PDZRN4: variants seen among roughly 807,000 people sequenced by gnomAD.
The protein encoded by PDZRN4 is PDZ domain-containing RING finger protein 4.
In PDZRN4, 70 loss-of-function variants were observed where a neutral mutation model predicts 99.0. The observed-to-expected ratio is 0.71, with a 90% CI of 0.58 to 0.86. PDZRN4 has a LOEUF of 0.86. Ranked by LOEUF, PDZRN4 falls within the 40% of genes least tolerant of loss-of-function variation. The probability of loss-of-function intolerance (pLI) is 0.00; values close to 1 mark genes in which losing one functional copy is unlikely to be tolerated. For synonymous variants in PDZRN4, 551 were observed against 501.6 expected, an observed-to-expected ratio of 1.10 and a Z score of -1.32; for missense variants, 1,474 against 1,331.2, an observed-to-expected ratio of 1.11 and a Z score of -1.67.
intron 3 of PDZRN4, among the ~76,000 whole-genome samples, chr12:41,307,113 AT>A (rs1951576244): frequency 6.6e-6 from 1 of 151,988 alleles, no homozygotes; most frequent in African/African-American, 2.4e-5. Context: ...CTGCTTCAAA[AT>A]TTTTTTCAGT....
At chr12:41,189,135 G>T (rs1950718732) in intron 1 of PDZRN4, 32 bp downstream of exon 1, 1 of 1,559,066 alleles carries the variant, frequency 6.4e-7, no homozygotes, top group South Asian at 1.2e-5. Context: ...CCGCGGGCAT[G>T]GTCGATTGGG....
intron 3 of PDZRN4, among the ~76,000 whole-genome samples, chr12:41,235,040 A>G (rs933015789): frequency 6.6e-6 from 1 of 152,176 alleles, no homozygotes; most frequent in Non-Finnish European, 1.5e-5. Context: ...ACAGTCCTTT[A>G]GAAACCTATT....
intron 3 of PDZRN4, among the ~76,000 whole-genome samples, chr12:41,232,976 T>G (rs1458322017): frequency 6.6e-6 from 1 of 152,112 alleles, no homozygotes; most frequent in East Asian, 1.9e-4. Flanking sequence ...ATCAGATAGA[T>G]GTAGATATGC....
intron 3 of PDZRN4, among the ~76,000 whole-genome samples, chr12:41,309,965 C>T (rs188158271): frequency 6.6e-4 from 101 of 151,910 alleles, no homozygotes; most frequent in African/African-American, 2.3e-3. Context: ...CAGAGTCTTA[C>T]TCTGTCACCC....
At chr12:41,558,546 A>G (rs900606820) in intron 7 of PDZRN4, among the ~76,000 whole-genome samples, 1 of 152,058 alleles carries the variant, frequency 6.6e-6, no homozygotes, top group Admixed American at 6.6e-5. Flanking sequence ...AATAAAGTGC[A>G]TGTGTTTCCA....
chr12:41,491,666 C>A (rs1396624773), intron 3 of PDZRN4, among the ~76,000 whole-genome samples: 2 of 152,074 alleles, frequency 1.3e-5, no homozygotes, highest in East Asian at 1.9e-4. Flanking sequence ...AACTAAGGCA[C>A]AATTCTAAAA....
At chr12:41,506,371 C>T (rs888487127) in intron 3 of PDZRN4, 85 bp from the exon 4 acceptor site, 36 of 1,318,794 alleles carry the variant, frequency 2.7e-5, no homozygotes, top group East Asian at 9.4e-5. Context: ...CTGGTTGAAA[C>T]CTTTCTCTCT....
At chr12:41,395,398 C>G (rs1299581748) in intron 3 of PDZRN4, among the ~76,000 whole-genome samples, 7 of 152,102 alleles carry the variant, frequency 4.6e-5, no homozygotes, top group Admixed American at 3.9e-4. Flanking sequence ...TTGATTGGGT[C>G]TCAGAGTCTG....
At chr12:41,437,820 T>A (rs1952643961) in intron 3 of PDZRN4, 1 of 1,579,572 alleles carries the variant, frequency 6.3e-7, no homozygotes, top group Non-Finnish European at 8.6e-7. Flanking sequence ...GGTTTGTCTG[T>A]GTTTCTGGAC....
chr12:41,304,541 G>C (rs1047151057), intron 3 of PDZRN4, among the ~76,000 whole-genome samples: 13 of 152,016 alleles, frequency 8.6e-5, no homozygotes, highest in Non-Finnish European at 1.9e-4. Flanking sequence ...CCTTTTGGAG[G>C]GCCACAAATC....
At chr12:41,426,812 C>T (rs763054737) in intron 3 of PDZRN4, among the ~76,000 whole-genome samples, 1 of 152,128 alleles carries the variant, frequency 6.6e-6, no homozygotes, top group Non-Finnish European at 1.5e-5. Flanking sequence ...TAATACCTTA[C>T]ATGTAGACTT....
At chr12:41,549,759 C>T (rs2120791655) in intron 5 of PDZRN4, among the ~76,000 whole-genome samples, 2 of 152,264 alleles carry the variant, frequency 1.3e-5, no homozygotes, top group Middle Eastern at 3.4e-3. Flanking sequence ...ATTTGTATGT[C>T]TCAAGAGTTA....
chr12:41,333,876 A>C (rs1000147), intron 3 of PDZRN4, among the ~76,000 whole-genome samples: 56,750 of 151,898 alleles, frequency 0.37, 10,658 homozygotes, highest in Non-Finnish European at 0.39. Flanking sequence ...TCTCTGTTGG[A>C]TCAACCAAGT....
chr12:41,541,655 G>A (rs547183370), intron 5 of PDZRN4, among the ~76,000 whole-genome samples: 98 of 150,170 alleles, frequency 6.5e-4, no homozygotes, highest in Non-Finnish European at 1.2e-3. Context: ...GGGTTTCACC[G>A]TGTTAGCCAG....
At chr12:41,474,985 A>G (rs565276908) in intron 3 of PDZRN4, among the ~76,000 whole-genome samples, 2 of 152,334 alleles carry the variant, frequency 1.3e-5, no homozygotes, top group Non-Finnish European at 2.9e-5. Flanking sequence ...AAGTAGAACT[A>G]TCTAGAGAAT....
chr12:41,302,806 A>G (rs1038232978), intron 3 of PDZRN4, among the ~76,000 whole-genome samples: 3 of 152,078 alleles, frequency 2.0e-5, no homozygotes. Flanking sequence ...AATGGATGAC[A>G]TGAGATGTAC....
intron 5 of PDZRN4, among the ~76,000 whole-genome samples, chr12:41,536,150 T>G (rs1938745168): frequency 6.6e-6 from 1 of 152,216 alleles, no homozygotes; most frequent in African/African-American, 2.4e-5. Context: ...GGTTAAAATC[T>G]ACTTCCTTAA....
At chr12:41,572,301 T>C in intron 9 of PDZRN4, 63 bp from the exon 10 acceptor site, 1 of 1,418,318 alleles carries the variant, frequency 7.1e-7, no homozygotes, top group Non-Finnish European at 9.6e-7. Context: ...AAACAAGATT[T>C]TTAATAACAA....
At chr12:41,368,015 AC>A (rs1409594604) in intron 3 of PDZRN4, among the ~76,000 whole-genome samples, 1 of 152,084 alleles carries the variant, frequency 6.6e-6, no homozygotes, top group Non-Finnish European at 1.5e-5. Flanking sequence ...TGCAATACTT[AC>A]CAAAACCACT....
Sources: gnomAD v4.1 joint callset for allele counts (sites outside exome capture counted in the v4.1 genomes callset) on GRCh38, gnomAD v4.1.1 for gene constraint, MANE v1.5 for transcripts, NCBI Gene and HGNC (gene_info 2026-07-23, HGNC 2026-07-21) for gene names.